ZMAT4: variants seen among roughly 807,000 people sequenced by gnomAD.
The protein encoded by ZMAT4 is zinc finger matrin-type 4.
Under a neutral mutation model 28.7 loss-of-function variants are expected in ZMAT4, and 17 were observed. The ratio of observed to expected loss-of-function variants is 0.59; its 90% CI spans 0.41 to 0.89. ZMAT4 has a LOEUF of 0.89. Ranked by LOEUF, ZMAT4 falls within the 40% of genes least tolerant of loss-of-function variation. The pLI, the probability that ZMAT4 is intolerant of heterozygous loss-of-function variation, is 0.00. For synonymous variants in ZMAT4, 117 were observed against 109.2 expected, an observed-to-expected ratio of 1.07 and a Z score of -0.44; for missense variants, 240 against 283.8, an observed-to-expected ratio of 0.85 and a Z score of 1.11.
chr8:40,856,545 A>T (rs1170748293), intron 1 of ZMAT4, among the ~76,000 whole-genome samples: 1 of 152,186 alleles, frequency 6.6e-6, no homozygotes, highest in Non-Finnish European at 1.5e-5. Flanking sequence ...TGAATGTCAG[A>T]CATCTGGGCA....
Position 40,601,464 on chromosome 8 carries a change from G to A in ZMAT4, c.578-20203C>T, listed in dbSNP as rs1585740112. Among the ~76,000 whole-genome samples the A allele has an allele frequency of 1.3e-4, 2 of 15,622 alleles. 1 individual carries two copies. The highest frequency in any genetic ancestry group is 1.7e-3 in the Admixed American group (2 of 1,170). 10.2% of individuals were successfully genotyped at this position (15,622 alleles called of 152,430 possible). ...AGGAAGGAAGGAAGGAAGGGAGGAA[G>A]AAAGGAAAGAAAGAAAGAAAGAAAG... is the stretch of plus-strand genomic sequence containing the variant. On this transcript the variant is annotated intron_variant, in intron 5 of 6. Coordinates refer to ENST00000297737, the MANE Select transcript of ZMAT4 (RefSeq NM_024645.3).
intron 1 of ZMAT4, among the ~76,000 whole-genome samples, chr8:40,862,053 A>G (rs1817512128): frequency 6.6e-6 from 1 of 152,242 alleles, no homozygotes; most frequent in African/African-American, 2.4e-5. Context: ...CGTAAGACCC[A>G]GCCATCCCAT....
chr8:40,581,153 A>C lies in ZMAT4; in HGVS notation c.674+12T>G, dbSNP rs1432675374. The C allele has an allele frequency of 6.2e-7, 1 of 1,610,556 alleles. No individual in the cohort carries two copies. Among genetic ancestry groups the C allele is most frequent in the Non-Finnish European group, 8.5e-7 (1 of 1,177,326 alleles). ...CGAAGAAACTGAAGAGTGAAAGCACAAAAGTACCTACTTGGTCTGGTGTTT... is the reference window on the plus strand; with the variant it reads ...CGAAGAAACTGAAGAGTGAAAGCACCAAAGTACCTACTTGGTCTGGTGTTT... On this transcript the variant is annotated intron_variant, in intron 6 of 6. Coordinates refer to ENST00000297737, the MANE Select transcript of ZMAT4 (RefSeq NM_024645.3).
In ZMAT4 at chr8:40,740,619, T is replaced by A. The variant is rs531519389; in HGVS notation, c.192+27022A>T. Among the ~76,000 whole-genome samples, 26 of 152,344 alleles carry A rather than the reference T, an allele frequency of 1.7e-4. No homozygotes were observed. The South Asian group carries it at 5.4e-3, about 32-fold the overall frequency. On this transcript the variant is annotated intron_variant, in intron 3 of 6. Coordinates refer to ENST00000297737, the MANE Select transcript of ZMAT4 (RefSeq NM_024645.3). ...AAACTGCTAGCATTACTGTTAGTTG[T>A]TACTCACATTTATAATTGAAAGAAA...
At chr8:40,721,914 G>A (rs1395793260) in intron 3 of ZMAT4, among the ~76,000 whole-genome samples, 3 of 152,026 alleles carry the variant, frequency 2.0e-5, no homozygotes, top group African/African-American at 7.3e-5. Flanking sequence ...AGAAAAACAA[G>A]CAATGGGGAA....
In ZMAT4 at chr8:40,889,826, A is replaced by G. The variant is rs116093259; in HGVS notation, c.-5+7857T>C. Among the ~76,000 whole-genome samples, 1,011 of 152,304 alleles carry G rather than the reference A, an allele frequency of 6.6e-3. 14 individuals carry two copies. Among genetic ancestry groups the G allele is most frequent in the African/African-American group, 0.023 (961 of 41,570 alleles). On this transcript the variant is annotated intron_variant, in intron 1 of 6. Coordinates refer to ENST00000297737, the MANE Select transcript of ZMAT4 (RefSeq NM_024645.3). ...GAAAGGAATATTCTTAATTAGAACT[A>G]TTTTGCACATCTCTAACTATTTCCT...
intron 3 of ZMAT4, among the ~76,000 whole-genome samples, chr8:40,738,785 C>T (rs901546177): frequency 3.9e-5 from 6 of 152,112 alleles, no homozygotes; most frequent in African/African-American, 1.4e-4. Flanking sequence ...CTGGCACAAG[C>T]GTCTAGGTGC....
At chr8:40,870,854 C>G (rs1227407427) in intron 1 of ZMAT4, among the ~76,000 whole-genome samples, 1 of 152,102 alleles carries the variant, frequency 6.6e-6, no homozygotes, top group Non-Finnish European at 1.5e-5. Context: ...GCAGAGATTC[C>G]CTTACCAGGC....
At chr8:40,645,462 A>G (rs1585807785) in intron 5 of ZMAT4, among the ~76,000 whole-genome samples, 1 of 152,312 alleles carries the variant, frequency 6.6e-6, no homozygotes, top group East Asian at 1.9e-4. Flanking sequence ...TAAATAGAAC[A>G]CACAGAAAAT....
intron 2 of ZMAT4, among the ~76,000 whole-genome samples, chr8:40,811,555 G>T (rs1389371384): frequency 2.0e-5 from 3 of 152,156 alleles, no homozygotes; most frequent in Non-Finnish European, 4.4e-5. Flanking sequence ...TCTCCACACG[G>T]TCTCAGAGAA....
At chr8:40,853,402 A>C (rs1467742652) in intron 1 of ZMAT4, among the ~76,000 whole-genome samples, 1 of 152,092 alleles carries the variant, frequency 6.6e-6, no homozygotes, top group Non-Finnish European at 1.5e-5. Flanking sequence ...AAAAATACAA[A>C]AAACTTAGCT....
intron 3 of ZMAT4, 33 bp downstream of exon 3, chr8:40,767,608 A>G (rs1216445942): frequency 1.9e-6 from 3 of 1,581,354 alleles, no homozygotes; most frequent in Non-Finnish European, 2.6e-6. Flanking sequence ...AGAACAAATC[A>G]TCTGAGGATA....
chr8:40,668,132 G>C (rs2118879619), intron 5 of ZMAT4, among the ~76,000 whole-genome samples: 1 of 152,190 alleles, frequency 6.6e-6, no homozygotes, highest in South Asian at 2.1e-4. Context: ...AGCAGCTTCT[G>C]CCAACAAAGA....
chr8:40,653,197 C>A (rs1394112027), intron 5 of ZMAT4, among the ~76,000 whole-genome samples: 3 of 151,888 alleles, frequency 2.0e-5, no homozygotes, highest in Middle Eastern at 3.2e-3. Flanking sequence ...AAAAAATATA[C>A]TGAGATAAAT....
chr8:40,728,757 A>C (rs1811410573), intron 3 of ZMAT4, among the ~76,000 whole-genome samples: 1 of 152,162 alleles, frequency 6.6e-6, no homozygotes, highest in Non-Finnish European at 1.5e-5. Context: ...AGTTTTGACA[A>C]CTGTTACACC....
rs572290287 is a variant in ZMAT4 at position 40,604,626 on chromosome 8, AT to A, written c.578-23366del. 3.9e-5 allele frequency among the ~76,000 whole-genome samples: 6 copies of A among 152,032 alleles called. No homozygotes were observed. In the South Asian group the frequency reaches 6.2e-4, roughly 16 times the overall value. The stretch of plus-strand genomic sequence containing the variant: ...ATGCTGTTGGATTTGGTTAGCTGGT[AT>A]TTTTTTGAGGATTTTTGCATCTATT... On this transcript the variant is annotated intron_variant, in intron 5 of 6. Coordinates refer to ENST00000297737, the MANE Select transcript of ZMAT4 (RefSeq NM_024645.3).
intron 3 of ZMAT4, among the ~76,000 whole-genome samples, chr8:40,746,516 A>C (rs1378629865): frequency 6.6e-6 from 1 of 151,226 alleles, no homozygotes; most frequent in Non-Finnish European, 1.5e-5. Context: ...AGCGCATATC[A>C]CCACACCCAG....
intron 5 of ZMAT4, among the ~76,000 whole-genome samples, chr8:40,596,431 C>T (rs1805106309): frequency 6.6e-6 from 1 of 152,184 alleles, no homozygotes; most frequent in African/African-American, 2.4e-5. Context: ...TGTACAAAAA[C>T]ATTTTATTTC....
At chr8:40,668,043 CA>C (rs760619356) in intron 5 of ZMAT4, among the ~76,000 whole-genome samples, 8 of 152,018 alleles carry the variant, frequency 5.3e-5, no homozygotes, top group Non-Finnish European at 1.0e-4. Context: ...CATTGTATGA[CA>C]ACTTAAAGCA....
Sources: allele counts gnomAD v4.1 joint callset (sites outside exome capture counted in the v4.1 genomes callset), GRCh38; gene constraint gnomAD v4.1.1; transcripts MANE v1.5; gene names NCBI Gene and HGNC (gene_info 2026-07-23, HGNC 2026-07-21).